NFIA: variants seen among roughly 807,000 people sequenced by gnomAD.
NFIA encodes the protein nuclear factor 1 A-type.
In NFIA, 8 loss-of-function variants were observed where a neutral mutation model predicts 62.8. That is an observed-to-expected ratio of 0.13 (90% CI 0.07 to 0.23). The LOEUF is 0.23. Ranked by LOEUF, NFIA falls within the 10% of genes least tolerant of loss-of-function variation. The pLI is 1.00. For missense variants in NFIA, 410 were observed against 642.1 expected, an observed-to-expected ratio of 0.64 and a Z score of 3.91; for synonymous variants, 235 against 238.1, an observed-to-expected ratio of 0.99 and a Z score of 0.12.
chr1:61,397,481 A>G (rs1224756763), intron 7 of NFIA, among the ~76,000 whole-genome samples: 3 of 152,182 alleles, frequency 2.0e-5, no homozygotes, highest in African/African-American at 7.2e-5. Context: ...TACAATCAGA[A>G]CAGGTCCTAG....
chr1:61,271,788 T>G (rs980509157), intron 2 of NFIA, among the ~76,000 whole-genome samples: 1 of 152,246 alleles, frequency 6.6e-6, no homozygotes, highest in Non-Finnish European at 1.5e-5. Context: ...AGTTACCGTG[T>G]ACATATATCT....
At chr1:61,273,978 G>A (rs1657662215) in intron 2 of NFIA, among the ~76,000 whole-genome samples, 3 of 152,196 alleles carry the variant, frequency 2.0e-5, no homozygotes, top group Non-Finnish European at 4.4e-5. Context: ...TCATTCTGAA[G>A]GGGAGTAGAC....
intron 2 of NFIA, among the ~76,000 whole-genome samples, chr1:61,149,662 T>C (rs1313515936): frequency 6.6e-6 from 1 of 152,214 alleles, no homozygotes; most frequent in Non-Finnish European, 1.5e-5. Context: ...GATTCAAATC[T>C]TGTCTGTACT....
chr1:61,240,285 G>A (rs1464125100), intron 2 of NFIA, among the ~76,000 whole-genome samples: 1 of 152,002 alleles, frequency 6.6e-6, no homozygotes, highest in Non-Finnish European at 1.5e-5. Context: ...GCCATTGTAA[G>A]TTATATCACC....
At chr1:61,389,483 T>C (rs1249150662) in intron 7 of NFIA, among the ~76,000 whole-genome samples, 1 of 152,204 alleles carries the variant, frequency 6.6e-6, no homozygotes, top group Non-Finnish European at 1.5e-5. Flanking sequence ...AATATGCTGG[T>C]TGACAGTTAG....
intron 10 of NFIA, among the ~76,000 whole-genome samples, chr1:61,450,354 T>G (rs1337244255): frequency 6.6e-6 from 1 of 152,220 alleles, no homozygotes; most frequent in African/African-American, 2.4e-5. Context: ...GGCTTTTGGC[T>G]GATTTGCCAA....
At chr1:61,223,944 CCTCT>C (rs1296613093) in intron 2 of NFIA, among the ~76,000 whole-genome samples, 1 of 152,016 alleles carries the variant, frequency 6.6e-6, no homozygotes, top group Non-Finnish European at 1.5e-5. Flanking sequence ...TGAAAACTGA[CCTCT>C]CTATTTACAT....
intron 2 of NFIA, among the ~76,000 whole-genome samples, chr1:61,107,851 C>T (rs1049086557): frequency 8.6e-5 from 13 of 151,546 alleles, no homozygotes; most frequent in Non-Finnish European, 1.5e-5. Context: ...GGTAGGGATC[C>T]AATTTCATTT....
At chr1:61,085,805 G>A (rs1646208790) in intron 1 of NFIA, among the ~76,000 whole-genome samples, 2 of 152,180 alleles carry the variant, frequency 1.3e-5, no homozygotes, top group South Asian at 2.1e-4. Context: ...ATGCAAAATT[G>A]GGGACTTAAG....
chr1:61,306,546 A>C (rs185540624), intron 3 of NFIA, among the ~76,000 whole-genome samples: 2 of 152,122 alleles, frequency 1.3e-5, no homozygotes, highest in Non-Finnish European at 2.9e-5. Context: ...AAGTGCTGCT[A>C]GATTTTGTTC....
chr1:61,349,600 T>C (rs948941626), intron 4 of NFIA, among the ~76,000 whole-genome samples: 4 of 152,020 alleles, frequency 2.6e-5, no homozygotes, highest in African/African-American at 9.7e-5. Flanking sequence ...TCGAGATGGG[T>C]TCTCACTCCA....
rs115646269 is a variant in NFIA at position 61,405,952 on chromosome 1, A to T, written c.1255-610A>T. 3.7e-3 allele frequency among the ~76,000 whole-genome samples: 557 copies of T among 152,326 alleles called. 7 individuals carry two copies. The South Asian group carries it at 0.04, about 11-fold the overall frequency. On this transcript the variant is annotated intron_variant, in intron 8 of 10. Transcript: ENST00000403491. ...AGCAGACTTCTGACAGCTGAATTCT[A>T]AAGTTTCTGTGCCTGATGTTATACA...
chr1:61,358,987 C>T (rs767734530), intron 5 of NFIA, among the ~76,000 whole-genome samples, 160 bp from the exon 6 acceptor site: 47 of 152,324 alleles, frequency 3.1e-4, no homozygotes, highest in South Asian at 1.2e-3. Flanking sequence ...GTTCTACATC[C>T]AGTGACTCAC....
In NFIA at chr1:61,442,694, A is replaced by C. The variant is rs1418537006; in HGVS notation, c.1513-12609A>C. Among the ~76,000 whole-genome samples, 6 of 152,222 alleles carry C rather than the reference A, an allele frequency of 3.9e-5. No individual in the cohort carries two copies. The East Asian group carries it at 5.8e-4, about 15-fold the overall frequency. The stretch of plus-strand genomic sequence containing the variant: ...GATAGATATTTATGAAAAAGAAAGA[A>C]GAAAAAATACACAAAAGAAAGAACA... On this transcript the variant is annotated intron_variant, in intron 10 of 10. Coordinates refer to ENST00000403491, the MANE Select transcript of NFIA (RefSeq NM_001134673.4).
intron 2 of NFIA, among the ~76,000 whole-genome samples, chr1:61,098,417 T>C (rs777750046): frequency 9.2e-5 from 14 of 152,244 alleles, no homozygotes; most frequent in Non-Finnish European, 1.8e-4. Context: ...ATGCACACCA[T>C]ATAAAAATTA....
At chr1:61,275,670 A>G (rs1297059823) in intron 2 of NFIA, among the ~76,000 whole-genome samples, 3 of 152,180 alleles carry the variant, frequency 2.0e-5, no homozygotes, top group Non-Finnish European at 2.9e-5. Context: ...CCCTAAAACA[A>G]AATTAGATAT....
At chr1:61,125,884 C>T (rs114102201) in intron 2 of NFIA, among the ~76,000 whole-genome samples, 17 of 152,224 alleles carry the variant, frequency 1.1e-4, no homozygotes, top group East Asian at 3.9e-4. Context: ...AGGAACCTCT[C>T]GTGATACCCT....
In NFIA at chr1:61,461,175, C is replaced by CTTG. The variant is rs1557461321; in HGVS notation, c.*5856_*5858dup. Reference sequence around the variant, plus strand: ...CAAGTCAGGGGCATTTTCCTTGACCCTTGACTGATGCTATGCGGAGACTGA... The same window carrying CTTG: ...CAAGTCAGGGGCATTTTCCTTGACCCTTGTTGACTGATGCTATGCGGAGACTGA... On this transcript the variant is annotated 3_prime_UTR_variant, in exon 11 of 11. Transcript: ENST00000403491. 6.6e-6 allele frequency: 1 copy of CTTG among 152,068 alleles called. No individual in the cohort carries two copies. Among genetic ancestry groups the CTTG allele is most frequent in the Non-Finnish European group, 1.5e-5 (1 of 68,028 alleles). 9.4% of individuals were successfully genotyped at this position (152,068 alleles called of 1,614,324 possible).
At chr1:61,353,832 C>CA (rs992606790) in intron 5 of NFIA, among the ~76,000 whole-genome samples, 3 of 152,104 alleles carry the variant, frequency 2.0e-5, no homozygotes, top group East Asian at 1.9e-4. Context: ...CTCAGGGGGA[C>CA]AAAAAAGTCA....
Sources: allele counts gnomAD v4.1 joint callset (sites outside exome capture counted in the v4.1 genomes callset), GRCh38; gene constraint gnomAD v4.1.1; transcripts MANE v1.5; gene names NCBI Gene and HGNC (gene_info 2026-07-23, HGNC 2026-07-21).